Variants in MPRIP observed in about 807,000 individuals in gnomAD.
The protein encoded by MPRIP is myosin phosphatase Rho interacting protein, also known as myosin phosphatase Rho-interacting protein.
MPRIP carries 59 observed loss-of-function variants against 234.9 expected under a neutral mutation model. The observed-to-expected ratio is 0.25, with a 90% CI of 0.20 to 0.31. MPRIP has a LOEUF of 0.31. MPRIP is among the 10% of genes least tolerant of loss of function. MPRIP has a pLI of 1.00. For synonymous variants in MPRIP, 1,144 were observed against 1,263.9 expected (o/e 0.91, Z 2.01); for missense variants, 2,436 against 3,071.0 (o/e 0.79, Z 4.89).
intron 3 of MPRIP, among the ~76,000 whole-genome samples, chr17:17,085,835 C>A (rs2089577632): frequency 6.6e-6 from 1 of 152,190 alleles, no homozygotes; most frequent in Non-Finnish European, 1.5e-5. Context: ...ATGGCATGAT[C>A]CCGGGAGGCA....
chr17:17,107,873 G>A (rs1316603566), intron 3 of MPRIP, among the ~76,000 whole-genome samples: 3 of 152,216 alleles, frequency 2.0e-5, no homozygotes, highest in Non-Finnish European at 4.4e-5. Context: ...CTCTGTGTCT[G>A]TAAGTGGTTG....
chr17:17,102,536 G>A (rs960602671), intron 3 of MPRIP, among the ~76,000 whole-genome samples: 13 of 152,348 alleles, frequency 8.5e-5, no homozygotes, highest in African/African-American at 3.1e-4. Flanking sequence ...ATGACTAGTG[G>A]AGCAGCCTTG....
chr17:17,086,063 T>A (rs1403521047), intron 3 of MPRIP, among the ~76,000 whole-genome samples: 1 of 152,248 alleles, frequency 6.6e-6, no homozygotes, highest in Admixed American at 6.5e-5. Flanking sequence ...TGAATAAATT[T>A]ATTTTTTAAA....
rs547351030 is a variant in MPRIP at position 17,185,325 on chromosome 17, C to T, written c.*431C>T. The T allele has an allele frequency of 1.3e-4, 45 of 357,684 alleles. No homozygotes were observed. The highest frequency in any genetic ancestry group is 4.6e-4 in the South Asian group (22 of 47,490). 22.2% of individuals were successfully genotyped at this position (357,684 alleles called of 1,614,324 possible). On this transcript the variant is annotated 3_prime_UTR_variant, in exon 24 of 24. Coordinates refer to ENST00000651222, the MANE Select transcript of MPRIP (RefSeq NM_001364716.4). Reference sequence around the variant, plus strand: ...CCCACTGGTCAGAGAAAAAGCTATGCGGACACTCCAGCTTGGCCTGGGTCA... The same window carrying T: ...CCCACTGGTCAGAGAAAAAGCTATGTGGACACTCCAGCTTGGCCTGGGTCA...
At chr17:17,100,943 T>C (rs2089948975) in intron 3 of MPRIP, among the ~76,000 whole-genome samples, 1 of 152,206 alleles carries the variant, frequency 6.6e-6, no homozygotes, top group Non-Finnish European at 1.5e-5. Context: ...AGTTTTGCAA[T>C]CTCACTAAAC....
intron 3 of MPRIP, among the ~76,000 whole-genome samples, chr17:17,115,830 A>G (rs529567183): frequency 1.3e-5 from 2 of 152,094 alleles, no homozygotes; most frequent in Non-Finnish European, 2.9e-5. Context: ...CTTCAGACCA[A>G]CACCATGGAC....
At chr17:17,172,184 C>T (rs2046153273) in intron 17 of MPRIP, among the ~76,000 whole-genome samples, 1 of 152,232 alleles carries the variant, frequency 6.6e-6, no homozygotes, top group Non-Finnish European at 1.5e-5. Flanking sequence ...TGACTTTCCC[C>T]CTGACAGACA....
At chr17:17,170,925 G>C (rs2046119551) in intron 16 of MPRIP, 1 of 152,212 alleles carries the variant, frequency 6.6e-6, no homozygotes, top group East Asian at 1.9e-4. Flanking sequence ...TGTCGCTCTA[G>C]GGAGGCACAG....
At chr17:17,162,500 A>G (rs563919039) in intron 15 of MPRIP, among the ~76,000 whole-genome samples, 7 of 152,160 alleles carry the variant, frequency 4.6e-5, no homozygotes, top group Non-Finnish European at 7.4e-5. Flanking sequence ...TCTGCCCCAC[A>G]TGCCCTAGAC....
intron 13 of MPRIP, 41 bp from the exon 14 acceptor site, chr17:17,158,391 A>G: frequency 6.6e-7 from 1 of 1,507,446 alleles, no homozygotes; most frequent in Non-Finnish European, 8.9e-7. Context: ...GCCACACCAG[A>G]GCCGCCCCTG....
At chr17:17,150,539 G>T (rs1315685800) in intron 12 of MPRIP, among the ~76,000 whole-genome samples, 1 of 152,020 alleles carries the variant, frequency 6.6e-6, no homozygotes, top group East Asian at 1.9e-4. Context: ...CAATTGGAAG[G>T]ATGTGGGGTA....
At chr17:17,129,463 G>A (rs1436631042) in intron 4 of MPRIP, among the ~76,000 whole-genome samples, 1 of 152,178 alleles carries the variant, frequency 6.6e-6, no homozygotes, top group Non-Finnish European at 1.5e-5. Flanking sequence ...AGAAATCCAA[G>A]TGCAGAGGAC....
chr17:17,183,278 C>T (rs1597533223), intron 23 of MPRIP: 1 of 152,310 alleles, frequency 6.6e-6, no homozygotes, highest in African/African-American at 2.4e-5. Context: ...TGCAGTGGCG[C>T]GATCTCTGCT....
At chr17:17,168,161 G>A (rs2046046369) in intron 16 of MPRIP, 2 of 338,464 alleles carry the variant, frequency 5.9e-6, no homozygotes, top group African/African-American at 4.3e-5. Flanking sequence ...GGTGGGAGAG[G>A]AGCACGTAGT....
In MPRIP at chr17:17,167,143, C is replaced by T. The variant is rs1285582782; in HGVS notation, c.5552C>T (p.Ala1851Val). Residue 1851 changes from alanine (A) to valine (V), a missense_variant, in exon 16 of 24, where the codon GCG becomes GTG. Coordinates refer to ENST00000651222, the MANE Select transcript of MPRIP (RefSeq NM_001364716.4). The surrounding 1 kb of genome is among the most constrained non-coding windows in gnomAD (Gnocchi z 5.9). ...ATTATTCAGGCCCAGGTTTGCTATG[C>T]GTCCTGCAGAATCCGGCTAGAATAT... ...DAIIQAQVCY[A>V]SCRIRLEYEK... 2.5e-5 allele frequency: 33 copies of T among 1,304,112 alleles called. No individual in the cohort carries two copies. Among genetic ancestry groups the T allele is most frequent in the African/African-American group, 3.0e-5 (2 of 65,900 alleles). 80.8% of individuals were successfully genotyped at this position (1,304,112 alleles called of 1,614,324 possible).
chr17:17,162,039 T>C (rs957322284), intron 15 of MPRIP, among the ~76,000 whole-genome samples: 2 of 152,240 alleles, frequency 1.3e-5, no homozygotes, highest in Non-Finnish European at 2.9e-5. Context: ...AAAACAGATA[T>C]ACTCTTGTCC....
chr17:17,112,508 G>A (rs562487452), intron 3 of MPRIP, among the ~76,000 whole-genome samples: 7 of 152,256 alleles, frequency 4.6e-5, no homozygotes, highest in South Asian at 4.1e-4. Flanking sequence ...GCCCTGCCCC[G>A]CAGCCCCAGC....
intron 9 of MPRIP, among the ~76,000 whole-genome samples, chr17:17,145,512 A>G (rs113440818): frequency 0.088 from 13,363 of 152,226 alleles, 745 homozygotes; most frequent in Middle Eastern, 0.16. Flanking sequence ...CTTGTGGGGG[A>G]ATACAGGTCA....
chr17:17,164,918 C>T lies in MPRIP; in HGVS notation c.3327C>T (p.Leu1109=). 1 of 1,303,872 alleles carries T rather than the reference C, an allele frequency of 7.7e-7. No homozygotes were observed. Among genetic ancestry groups the T allele is most frequent in the Non-Finnish European group, 1.0e-6 (1 of 988,758 alleles). The allele number at this position is 1,303,872 out of a possible 1,614,324, so 80.8% of individuals were successfully genotyped here. Residue 1109 remains leucine (L), a synonymous_variant, in exon 16 of 24, where the codon CTC becomes CTT. Coordinates refer to ENST00000651222, the MANE Select transcript of MPRIP (RefSeq NM_001364716.4). ...HVQSLCDERD[L]LRQRFQELTE... ...AGAGCCTCTGTGACGAGCGGGACCT[C>T]CTCAGACAGCGGTTCCAGGAGCTGA...
Sources: gnomAD v4.1 joint callset for allele counts (sites outside exome capture counted in the v4.1 genomes callset) on GRCh38, gnomAD v4.1.1 for gene constraint, Gnocchi (gnomAD v3.1) non-coding constraint, MANE v1.5 for transcripts, NCBI Gene and HGNC (gene_info 2026-07-23, HGNC 2026-07-21) for gene names.